The following CTNNA3 variants were observed in gnomAD, a reference collection of about 807,000 sequenced individuals.
CTNNA3 encodes catenin alpha 3.
In CTNNA3, 76 loss-of-function variants were observed where a neutral mutation model predicts 95.7. The observed-to-expected ratio is 0.79, with a 90% CI of 0.66 to 0.96. The LOEUF (loss-of-function observed/expected upper bound fraction) is 0.96, where lower values mean the gene tolerates loss of function less well. Ranked by LOEUF, CTNNA3 falls within the 40% of genes least tolerant of loss-of-function variation. The probability of loss-of-function intolerance (pLI) is 0.00; values close to 1 mark genes in which losing one functional copy is unlikely to be tolerated. For synonymous variants in CTNNA3, 431 were observed against 374.4 expected (o/e 1.15, Z -1.74); for missense variants, 1,191 against 1,089.8 (o/e 1.09, Z -1.31).
At chr10:67,360,264 G>C (rs1292248955) in intron 5 of CTNNA3, among the ~76,000 whole-genome samples, 1 of 151,990 alleles carries the variant, frequency 6.6e-6, no homozygotes, top group African/African-American at 2.4e-5. Flanking sequence ...TGTAAGTACA[G>C]AGCCCACAGA....
chr10:66,799,482 A>T (rs10997389), intron 7 of CTNNA3, among the ~76,000 whole-genome samples: 6,366 of 151,644 alleles, frequency 0.042, 443 homozygotes, highest in African/African-American at 0.15. Context: ...TTATTATTGG[A>T]CAGAACTAAC....
Position 67,419,254 on chromosome 10 carries a change from TAAAC to T in CTNNA3, c.579+102584_579+102587del, listed in dbSNP as rs1320081089. On this transcript the variant is annotated intron_variant, in intron 5 of 17. Coordinates refer to ENST00000433211, the MANE Select transcript of CTNNA3 (RefSeq NM_013266.4). ...TGAAGACATTTAATAAAATAAATCTTAAACAAATTATATAATTAGATAGGACAAT... is the reference window on the plus strand; with the variant it reads ...TGAAGACATTTAATAAAATAAATCTTAAATTATATAATTAGATAGGACAAT... 5.9e-5 allele frequency among the ~76,000 whole-genome samples: 9 copies of T among 152,324 alleles called. No homozygotes were observed. In the East Asian group the frequency reaches 1.3e-3, roughly 23 times the overall value.
intron 11 of CTNNA3, among the ~76,000 whole-genome samples, chr10:66,499,756 C>T (rs1429800068): frequency 6.6e-6 from 1 of 151,458 alleles, no homozygotes; most frequent in Non-Finnish European, 1.5e-5. Context: ...ATCTATGGAA[C>T]TCCTAGAGAT....
chr10:66,349,398 T>C (rs2092549920), intron 12 of CTNNA3, among the ~76,000 whole-genome samples: 1 of 152,092 alleles, frequency 6.6e-6, no homozygotes, highest in Admixed American at 6.5e-5. Context: ...CAGTAAGCCA[T>C]GCCTGGATTT....
intron 13 of CTNNA3, among the ~76,000 whole-genome samples, chr10:66,168,515 A>G (rs969735828): frequency 1.2e-4 from 18 of 152,078 alleles, no homozygotes; most frequent in Admixed American, 2.6e-4. Flanking sequence ...AGTAATAGCT[A>G]TACTCTCCTT....
chr10:66,844,728 T>C (rs1554861934), intron 7 of CTNNA3, among the ~76,000 whole-genome samples: 3 of 152,160 alleles, frequency 2.0e-5, no homozygotes, highest in Non-Finnish European at 2.9e-5. Context: ...TTACATTACA[T>C]GACAGAGTTG....
At chr10:67,340,396 G>C (rs530229026) in intron 5 of CTNNA3, among the ~76,000 whole-genome samples, 2 of 152,308 alleles carry the variant, frequency 1.3e-5, no homozygotes, top group Non-Finnish European at 2.9e-5. Flanking sequence ...AAGCTCTTTG[G>C]TATCTCCATA....
Position 67,718,022 on chromosome 10 carries a change from G to A in CTNNA3, c.-2+45412C>T, listed in dbSNP as rs144235009. Among the ~76,000 whole-genome samples, 1,092 of 152,250 alleles carry A rather than the reference G, an allele frequency of 7.2e-3. 15 individuals are homozygous for A. Among genetic ancestry groups the A allele is most frequent in the African/African-American group, 0.025 (1,043 of 41,550 alleles). On this transcript the variant is annotated intron_variant, in intron 1 of 17. Coordinates refer to the CTNNA3 transcript ENST00000684154. ...GCAATGGTTTATAGTTCTCCTTGAA[G>A]AGGTCCTCACACATCCCTTGTAAGT... is the stretch of plus-strand genomic sequence containing the variant.
intron 9 of CTNNA3, among the ~76,000 whole-genome samples, chr10:66,660,310 T>C (rs1846219394): frequency 6.6e-6 from 1 of 152,188 alleles, no homozygotes; most frequent in African/African-American, 2.4e-5. Context: ...ACTAAAATAT[T>C]AGTTGATAGT....
chr10:65,960,572 A>G (rs1420957478), intron 17 of CTNNA3, among the ~76,000 whole-genome samples: 1 of 152,176 alleles, frequency 6.6e-6, no homozygotes, highest in East Asian at 1.9e-4. Flanking sequence ...TTTTGTTACA[A>G]GGGTATATAG....
chr10:66,082,180 A>G (rs2080792619), intron 14 of CTNNA3, among the ~76,000 whole-genome samples: 1 of 149,842 alleles, frequency 6.7e-6, no homozygotes, highest in Admixed American at 6.7e-5. Context: ...ACTACAAAGA[A>G]AAAAAAAAAA....
intron 13 of CTNNA3, among the ~76,000 whole-genome samples, chr10:66,274,681 A>C (rs1355342550): frequency 6.6e-6 from 1 of 152,160 alleles, no homozygotes; most frequent in Non-Finnish European, 1.5e-5. Flanking sequence ...CTTTATTAAT[A>C]TCTAATTTAC....
chr10:66,412,380 G>T (rs12251169), intron 11 of CTNNA3, among the ~76,000 whole-genome samples: 19,851 of 151,806 alleles, frequency 0.13, 1,629 homozygotes, highest in African/African-American at 0.24. Context: ...TATTAAATAG[G>T]TTGGTGGAAC....
rs184760943 is a variant in CTNNA3, at chr10:66,726,224, T to C, written c.1281+40040A>G. Among the ~76,000 whole-genome samples, 96 of 152,180 alleles carry C rather than the reference T, an allele frequency of 6.3e-4. 1 individual carries two copies. The highest frequency in any genetic ancestry group is 2.2e-3 in the African/African-American group (92 of 41,574). On this transcript the variant is annotated intron_variant, in intron 9 of 17. Transcript: ENST00000433211. Reference sequence around the variant, plus strand: ...TTGATTCTTTTTCATTGCAATGACATGGAAATTTCAGGACACAAAAATCAG... The same window carrying C: ...TTGATTCTTTTTCATTGCAATGACACGGAAATTTCAGGACACAAAAATCAG...
chr10:66,818,599 G>T (rs1842178102), intron 7 of CTNNA3, among the ~76,000 whole-genome samples: 1 of 152,092 alleles, frequency 6.6e-6, no homozygotes, highest in Admixed American at 6.6e-5. Flanking sequence ...ATAACCTGAA[G>T]AAGTTTTAAA....
At chr10:66,961,371 C>T (rs1465344610) in intron 7 of CTNNA3, among the ~76,000 whole-genome samples, 2 of 152,168 alleles carry the variant, frequency 1.3e-5, no homozygotes, top group Non-Finnish European at 2.9e-5. Flanking sequence ...CTCCATCCTC[C>T]TCTTACTTGA....
chr10:67,400,167 G>T (rs2132803667), intron 5 of CTNNA3, among the ~76,000 whole-genome samples: 1 of 142,800 alleles, frequency 7.0e-6, no homozygotes, highest in Non-Finnish European at 1.5e-5. Context: ...TAAAATCACA[G>T]AAACTCTTGA....
intron 7 of CTNNA3, among the ~76,000 whole-genome samples, chr10:67,061,931 T>C (rs760341703): frequency 7.1e-6 from 1 of 141,464 alleles, no homozygotes; most frequent in African/African-American, 2.7e-5. Flanking sequence ...AGAAAATTTA[T>C]AAGAAAGCTT....
chr10:66,716,982 TGTAG>T (rs1359892756), intron 9 of CTNNA3, among the ~76,000 whole-genome samples: 1 of 151,298 alleles, frequency 6.6e-6, no homozygotes, highest in Non-Finnish European at 1.5e-5. Context: ...CCCTTGATAA[TGTAG>T]GTGGGCTTCA....
Sources: allele counts gnomAD v4.1 joint callset (sites outside exome capture counted in the v4.1 genomes callset), GRCh38; gene constraint gnomAD v4.1.1; transcripts MANE v1.5; gene names NCBI Gene and HGNC (gene_info 2026-07-23, HGNC 2026-07-21).